Variants in EPS8 observed in about 807,000 individuals in gnomAD.
The protein encoded by EPS8 is epidermal growth factor receptor kinase substrate 8.
Under a neutral mutation model 103.8 loss-of-function variants are expected in EPS8, and 42 were observed. The observed-to-expected ratio is 0.40, with a 90% CI of 0.32 to 0.52. The LOEUF (loss-of-function observed/expected upper bound fraction) is 0.52, where lower values mean the gene tolerates loss of function less well. Among genes scored for constraint, EPS8 ranks in the 20% least tolerant of loss-of-function variants. EPS8 has a pLI of 0.40. For synonymous variants in EPS8, 344 were observed against 344.6 expected, an observed-to-expected ratio of 1.00 and a Z score of 0.02; for missense variants, 969 against 1,005.1, an observed-to-expected ratio of 0.96 and a Z score of 0.49.
intron 18 of EPS8, among the ~76,000 whole-genome samples, chr12:15,628,196 A>C (rs1212778601): frequency 6.6e-6 from 1 of 152,140 alleles, no homozygotes; most frequent in Non-Finnish European, 1.5e-5. Context: ...GCTACCTTTT[A>C]AAAAATCACT....
intron 18 of EPS8, among the ~76,000 whole-genome samples, chr12:15,629,140 C>G (rs1944999737): frequency 6.6e-6 from 1 of 152,056 alleles, no homozygotes; most frequent in African/African-American, 2.4e-5. Flanking sequence ...CCAATGCCAC[C>G]CTTTTACTTA....
chr12:15,743,445 G>A (rs1426110578), intron 1 of EPS8, among the ~76,000 whole-genome samples: 9 of 152,096 alleles, frequency 5.9e-5, no homozygotes, highest in African/African-American at 2.2e-4. Flanking sequence ...TAAAGAGCCC[G>A]CATTGCCAAG....
chr12:15,686,726 T>G (rs1946100989), intron 1 of EPS8, among the ~76,000 whole-genome samples: 1 of 152,160 alleles, frequency 6.6e-6, no homozygotes, highest in Non-Finnish European at 1.5e-5. Context: ...AGTTTTAGAT[T>G]CCTTTTCTTT....
rs1164216490 is a variant in EPS8, at chr12:15,759,636, A to G, written c.-22+29525T>C. ...AAGCATCTTCCCTGACCACAAAGGAATAAAACTAGAAATCAATAACAAGAG... is the reference window on the plus strand; with the variant it reads ...AAGCATCTTCCCTGACCACAAAGGAGTAAAACTAGAAATCAATAACAAGAG... On this transcript the variant is annotated intron_variant, in intron 1 of 20. Transcript: ENST00000281172. This position sits in a 1 kb window ranked among gnomAD's most constrained non-coding sequence, Gnocchi z 4.9. 6.6e-6 allele frequency among the ~76,000 whole-genome samples: 1 copy of G among 152,136 alleles called. No homozygotes were observed. The highest frequency in any genetic ancestry group is 1.5e-5 in the Non-Finnish European group (1 of 67,980).
rs1946594725 is a variant in EPS8 at position 15,721,463 on chromosome 12, T to C, written c.-21-38491A>G. Among the ~76,000 whole-genome samples the C allele has an allele frequency of 1.3e-5, 2 of 152,176 alleles. No individual in the cohort carries two copies. The highest frequency in any genetic ancestry group is 6.5e-5 in the Admixed American group (1 of 15,272). On this transcript the variant is annotated intron_variant, in intron 1 of 20. Transcript: ENST00000281172. This position sits in a 1 kb window ranked among gnomAD's most constrained non-coding sequence, Gnocchi z 4.4. ...TACTCAGCTAAAAGAACGAGGTTTG[T>C]GGGGCTCAACAAAAAAGTAATCGTC...
In EPS8 at chr12:15,690,225, C is replaced by T. The variant is rs935504702; in HGVS notation, c.-21-7253G>A. ...TATCTTTATAAATGCTTACAACATA[C>T]GAAGTGGAAAATGGTATCTTTAGGC... On this transcript the variant is annotated intron_variant, in intron 1 of 20. Coordinates refer to ENST00000281172, the MANE Select transcript of EPS8 (RefSeq NM_004447.6). The surrounding 1 kb of genome is among the most constrained non-coding windows in gnomAD (Gnocchi z 4.7). Among the ~76,000 whole-genome samples, 4 of 152,076 alleles carry T rather than the reference C, an allele frequency of 2.6e-5. No individual in the cohort carries two copies. The highest frequency in any genetic ancestry group is 1.9e-4 in the East Asian group (1 of 5,190).
chr12:15,761,960 CTGAATAGCAAA>C lies in EPS8; in HGVS notation c.-22+27190_-22+27200del, dbSNP rs2136031610. ...GGGATCATATCAAGTTAAAAACCTTCTGAATAGCAAATGAAACAACAAAGTGAAGAGACAAC... is the reference window on the plus strand; with the variant it reads ...GGGATCATATCAAGTTAAAAACCTTCTGAAACAACAAAGTGAAGAGACAAC... On this transcript the variant is annotated intron_variant, in intron 1 of 20. Coordinates refer to ENST00000281172, the MANE Select transcript of EPS8 (RefSeq NM_004447.6). This position sits in a 1 kb window ranked among gnomAD's most constrained non-coding sequence, Gnocchi z 4.5. Among the ~76,000 whole-genome samples, 1 of 152,196 alleles carries C rather than the reference CTGAATAGCAAA, an allele frequency of 6.6e-6. No individual in the cohort carries two copies. Among genetic ancestry groups the C allele is most frequent in the East Asian group, 1.9e-4 (1 of 5,178 alleles).
intron 15 of EPS8, among the ~76,000 whole-genome samples, chr12:15,646,715 T>C (rs969805130): frequency 2.0e-5 from 3 of 152,224 alleles, no homozygotes; most frequent in Non-Finnish European, 4.4e-5. Flanking sequence ...AGTTTAAATA[T>C]ATCTGTCTAA....
intron 16 of EPS8, 61 bp downstream of exon 16, chr12:15,641,661 C>T: frequency 3.1e-5 from 23 of 735,518 alleles, no homozygotes; most frequent in South Asian, 1.3e-4. Flanking sequence ...AGTTATATAC[C>T]AAAAGAGTAA....
chr12:15,644,998 C>T (rs998713722), intron 15 of EPS8, among the ~76,000 whole-genome samples: 2 of 152,090 alleles, frequency 1.3e-5, no homozygotes, highest in Non-Finnish European at 2.9e-5. Flanking sequence ...AATCTACCCA[C>T]CACTCAAGGT....
chr12:15,688,104 T>G lies in EPS8; in HGVS notation c.-21-5132A>C, dbSNP rs992152226. On this transcript the variant is annotated intron_variant, in intron 1 of 20. Coordinates refer to ENST00000281172, the MANE Select transcript of EPS8 (RefSeq NM_004447.6). This position sits in a 1 kb window ranked among gnomAD's most constrained non-coding sequence, Gnocchi z 5.1. The stretch of plus-strand genomic sequence containing the variant: ...TGAATGACTGAAAAGTAATGTCTTA[T>G]TTGCATCTAAGGTAAAATCATAGGC... 1.3e-5 allele frequency among the ~76,000 whole-genome samples: 2 copies of G among 152,186 alleles called. No individual in the cohort carries two copies. Among genetic ancestry groups the G allele is most frequent in the African/African-American group, 2.4e-5 (1 of 41,444 alleles).
At chr12:15,719,792 A>G (rs950686457) in intron 1 of EPS8, among the ~76,000 whole-genome samples, 6 of 152,162 alleles carry the variant, frequency 3.9e-5, no homozygotes, top group Admixed American at 2.6e-4. Flanking sequence ...CCAAGTCTTA[A>G]TCTTTATTTA....
chr12:15,694,864 T>C (rs1182176735), intron 1 of EPS8, among the ~76,000 whole-genome samples: 1 of 152,168 alleles, frequency 6.6e-6, no homozygotes, highest in Admixed American at 6.5e-5. Flanking sequence ...CCTTTGAAAA[T>C]TGTGAAATTA....
rs1456532819 is a variant in EPS8 at position 15,787,765 on chromosome 12, T to G, written c.-22+1396A>C. Among the ~76,000 whole-genome samples, 1 of 152,210 alleles carries G rather than the reference T, an allele frequency of 6.6e-6. No individual in the cohort carries two copies. The highest frequency in any genetic ancestry group is 1.5e-5 in the Non-Finnish European group (1 of 68,038). ...TATCACTATTGCATTTGTGATACAT[T>G]CTACCTTACCCTTTATGTGACAATT... On this transcript the variant is annotated intron_variant, in intron 1 of 20. Transcript: ENST00000281172. This position sits in a 1 kb window ranked among gnomAD's most constrained non-coding sequence, Gnocchi z 4.9.
intron 1 of EPS8, among the ~76,000 whole-genome samples, chr12:15,722,771 A>T (rs1329762928): frequency 2.0e-5 from 3 of 152,184 alleles, no homozygotes; most frequent in Non-Finnish European, 2.9e-5. Flanking sequence ...ACATGGCAGA[A>T]GGGGCAAACG....
intron 7 of EPS8, 33 bp downstream of exon 7, chr12:15,666,407 A>T (rs771772063): frequency 6.5e-7 from 1 of 1,527,194 alleles, no homozygotes; most frequent in South Asian, 1.1e-5. Context: ...AAACAAATCA[A>T]TTCCACTCCT....
chr12:15,621,295 A>T lies in EPS8; in HGVS notation c.*22T>A. 7.9e-7 allele frequency: 1 copy of T among 1,261,308 alleles called. No individual in the cohort carries two copies. The highest frequency in any genetic ancestry group is 1.1e-6 in the Non-Finnish European group (1 of 890,504). The allele number at this position is 1,261,308 out of a possible 1,614,324, so 78.1% of individuals were successfully genotyped here. A position where few individuals can be genotyped will look rare whatever the true frequency, so the allele number is the denominator to read the frequency against. Reference sequence around the variant, plus strand: ...GTTGGAATAATGCCAAAAACAATGGAGTTTAAATACAAACAAACAAATTAG... The same window carrying T: ...GTTGGAATAATGCCAAAAACAATGGTGTTTAAATACAAACAAACAAATTAG... On this transcript the variant is annotated 3_prime_UTR_variant, in exon 21 of 21. Transcript: ENST00000281172.
intron 1 of EPS8, among the ~76,000 whole-genome samples, chr12:15,744,470 C>T (rs554506406): frequency 1.3e-5 from 2 of 152,296 alleles, no homozygotes; most frequent in African/African-American, 4.8e-5. Flanking sequence ...AATATTTGAG[C>T]ACTTCCAGCT....
intron 17 of EPS8, among the ~76,000 whole-genome samples, chr12:15,633,631 T>C (rs1197729292): frequency 6.6e-6 from 1 of 152,220 alleles, no homozygotes; most frequent in African/African-American, 2.4e-5. Flanking sequence ...CAGTATGACC[T>C]ACCAAAATAA....
Sources: gnomAD v4.1 joint callset for allele counts (sites outside exome capture counted in the v4.1 genomes callset) on GRCh38, gnomAD v4.1.1 for gene constraint, Gnocchi (gnomAD v3.1) non-coding constraint, MANE v1.5 for transcripts, NCBI Gene and HGNC (gene_info 2026-07-23, HGNC 2026-07-21) for gene names.